The following DAAM1 variants were observed in gnomAD, a reference collection of about 807,000 sequenced individuals.
DAAM1 encodes disheveled-associated activator of morphogenesis 1.
In DAAM1, 52 loss-of-function variants were observed where a neutral mutation model predicts 130.0. The ratio of observed to expected loss-of-function variants is 0.40; its 90% CI spans 0.32 to 0.50. The LOEUF is 0.50. Among genes scored for constraint, DAAM1 ranks in the 20% least tolerant of loss-of-function variants. The pLI is 0.61. For synonymous variants in DAAM1, 452 were observed against 444.5 expected (o/e 1.02, Z -0.21); for missense variants, 1,134 against 1,303.8 (o/e 0.87, Z 2.01).
Position 59,324,382 on chromosome 14 carries a change from A to T in DAAM1, c.917A>T (p.Tyr306Phe). The part of the protein sequence containing the change: ...ESLDFRLHLR[Y>F]EFLMLGIQPV... ...TTGGACTTTAGACTTCATCTTCGCTATGAATTTCTGATGTTAGGAATTCAA... is the reference window on the plus strand; with the variant it reads ...TTGGACTTTAGACTTCATCTTCGCTTTGAATTTCTGATGTTAGGAATTCAA... The change falls in exon 8 of 25, where the codon TAT (tyrosine) becomes TTT (phenylalanine). Residue 306 changes from tyrosine (Y) to phenylalanine (F), a missense_variant. Physicochemically the swap from Tyr to Phe is conservative, Grantham distance 22. Around this residue, in one of 3 missense-constraint regions of DAAM1, gnomAD observed 391 missense variants for 521.6 expected, o/e 0.75. Transcript: ENST00000360909. 6.3e-7 allele frequency: 1 copy of T among 1,594,950 alleles called. No individual in the cohort carries two copies. Among genetic ancestry groups the T allele is most frequent in the Non-Finnish European group, 8.5e-7 (1 of 1,170,382 alleles).
chr14:59,320,104 T>C (rs554989868), intron 4 of DAAM1, among the ~76,000 whole-genome samples: 6 of 152,254 alleles, frequency 3.9e-5, no homozygotes, highest in Non-Finnish European at 8.8e-5. Context: ...ATTACACTTT[T>C]TGGCTGAGGA....
At chr14:59,328,984 C>A (rs1885318654) in intron 12 of DAAM1, among the ~76,000 whole-genome samples, 1 of 152,140 alleles carries the variant, frequency 6.6e-6, no homozygotes, top group South Asian at 2.1e-4. Context: ...GTTCTGTGGA[C>A]CTAAAATGTA....
intron 1 of DAAM1, among the ~76,000 whole-genome samples, chr14:59,258,601 A>C (rs1882016520): frequency 6.6e-6 from 1 of 152,232 alleles, no homozygotes; most frequent in Admixed American, 6.5e-5. Flanking sequence ...GTGCTAGGGA[A>C]GTTAAGGTGG....
chr14:59,350,472 C>G (rs1337713278), intron 17 of DAAM1, among the ~76,000 whole-genome samples: 1 of 151,910 alleles, frequency 6.6e-6, no homozygotes, highest in Non-Finnish European at 1.5e-5. Flanking sequence ...CACACACACA[C>G]ACACACACGT....
chr14:59,336,491 A>G (rs551720116), intron 15 of DAAM1, among the ~76,000 whole-genome samples: 32 of 152,340 alleles, frequency 2.1e-4, no homozygotes, highest in African/African-American at 6.7e-4. Flanking sequence ...ATAGGCCTGG[A>G]AGCATCATTA....
At chr14:59,264,485 A>C (rs2139509233) in intron 2 of DAAM1, 1 of 152,330 alleles carries the variant, frequency 6.6e-6, no homozygotes, top group Non-Finnish European at 1.5e-5. Context: ...AAGGAAAAAA[A>C]CATCTTCTTC....
intron 3 of DAAM1, among the ~76,000 whole-genome samples, chr14:59,292,852 T>C (rs1473783003): frequency 6.6e-6 from 1 of 152,182 alleles, no homozygotes; most frequent in Non-Finnish European, 1.5e-5. Context: ...TGTCTTCCTC[T>C]CCTCTTCTGC....
intron 1 of DAAM1, among the ~76,000 whole-genome samples, chr14:59,243,699 T>A (rs1201865827): frequency 1.3e-5 from 2 of 152,206 alleles, no homozygotes; most frequent in African/African-American, 2.4e-5. Flanking sequence ...ACTGGATGTT[T>A]CCTTTCTCTC....
rs1887952776 is a variant in DAAM1, at chr14:59,197,854, A to T, written c.-38+9086A>T. Among the ~76,000 whole-genome samples, 7 of 151,992 alleles carry T rather than the reference A, an allele frequency of 4.6e-5. No homozygotes were observed. The South Asian group carries it at 1.5e-3, about 32-fold the overall frequency. On this transcript the variant is annotated intron_variant, in intron 1 of 24. Transcript: ENST00000360909. ...AGTCTGCCAAGTTCCATATCTTGGG[A>T]GCCCCATCACTGACCTTACAGAAAA...
chr14:59,220,021 T>C lies in DAAM1; in HGVS notation c.-38+31253T>C, dbSNP rs1270271824. Reference sequence around the variant, plus strand: ...AGCTATTGGTTTCGAAAAATACAGATTTTTTTTTTCCAGGATGGCATCCAT... The same window carrying C: ...AGCTATTGGTTTCGAAAAATACAGACTTTTTTTTTCCAGGATGGCATCCAT... On this transcript the variant is annotated intron_variant, in intron 1 of 24. Transcript: ENST00000360909. Among the ~76,000 whole-genome samples, 4 of 150,754 alleles carry C rather than the reference T, an allele frequency of 2.7e-5. No individual in the cohort carries two copies. The East Asian group carries it at 7.8e-4, about 29-fold the overall frequency.
At chr14:59,199,329 C>G (rs1888024758) in intron 1 of DAAM1, among the ~76,000 whole-genome samples, 1 of 152,084 alleles carries the variant, frequency 6.6e-6, no homozygotes, top group African/African-American at 2.4e-5. Flanking sequence ...AACTCCTGGC[C>G]TCAAGCAATC....
intron 2 of DAAM1, among the ~76,000 whole-genome samples, chr14:59,272,572 C>T (rs961622751): frequency 7.0e-6 from 1 of 142,938 alleles, no homozygotes; most frequent in Non-Finnish European, 1.5e-5. Context: ...GCAAGACTGT[C>T]TCAAAAAACA....
Position 59,326,674 on chromosome 14 carries a change from G to A in DAAM1, c.1313+26G>A, listed in dbSNP as rs769237491. On this transcript the variant is annotated intron_variant, in intron 11 of 24. Coordinates refer to ENST00000360909, the MANE Select transcript of DAAM1 (RefSeq NM_001270520.2). Reference sequence around the variant, plus strand: ...GTAAGTCTCTTCTTATTCTGCTGCTGTGAGATAATGGTGACAATGTAAGAT... The same window carrying A: ...GTAAGTCTCTTCTTATTCTGCTGCTATGAGATAATGGTGACAATGTAAGAT... 5 of 1,606,746 alleles carry A rather than the reference G, an allele frequency of 3.1e-6. No individual in the cohort carries two copies. The South Asian group carries it at 4.5e-5, about 14-fold the overall frequency.
chr14:59,342,750 C>G (rs1303908621), intron 16 of DAAM1, among the ~76,000 whole-genome samples: 1 of 152,138 alleles, frequency 6.6e-6, no homozygotes, highest in Non-Finnish European at 1.5e-5. Context: ...ACTGGTCTGA[C>G]TGAAGGACAT....
chr14:59,287,252 T>C (rs2349145), intron 2 of DAAM1, among the ~76,000 whole-genome samples: 95,475 of 152,030 alleles, frequency 0.63, 31,073 homozygotes, highest in East Asian at 0.9. Flanking sequence ...AAAAAAAATC[T>C]TCAACAAATT....
At chr14:59,290,093 TG>T (rs1883674809) in intron 2 of DAAM1, among the ~76,000 whole-genome samples, 1 of 152,014 alleles carries the variant, frequency 6.6e-6, no homozygotes, top group East Asian at 1.9e-4. Context: ...GAGTTACCTA[TG>T]TAACAAACCT....
chr14:59,229,289 C>T (rs994774083), intron 1 of DAAM1, among the ~76,000 whole-genome samples: 2 of 152,160 alleles, frequency 1.3e-5, no homozygotes, highest in Admixed American at 1.3e-4. Context: ...TGTCATTTGG[C>T]TTTTGATTTT....
intron 1 of DAAM1, among the ~76,000 whole-genome samples, chr14:59,204,779 TC>T (rs1337873048): frequency 6.6e-6 from 1 of 152,148 alleles, no homozygotes; most frequent in African/African-American, 2.4e-5. Context: ...TGCCTGTAAT[TC>T]CAGCACTTTG....
chr14:59,363,762 C>G lies in DAAM1; in HGVS notation c.2806C>G (p.Leu936Val). 6.2e-7 allele frequency: 1 copy of G among 1,613,998 alleles called. No individual in the cohort carries two copies. The highest frequency in any genetic ancestry group is 8.5e-7 in the Non-Finnish European group (1 of 1,179,958). Residue 936 changes from leucine (L) to valine (V), a missense_variant, in exon 23 of 25, where the codon CTA becomes GTA. Leu to Val is a conservative substitution (Grantham distance 32). This residue lies in a region of DAAM1 where 644 missense variants were observed against 695.9 expected (regional missense o/e 0.93). Transcript: ENST00000360909. ...SFSFSDVEDL[L>V]AEAKDLFTKA... The stretch of plus-strand genomic sequence containing the variant: ...CAGCTTCTCTGATGTTGAAGACCTT[C>G]TAGCAGAAGCTAAAGACCTGGTAAG...
Sources: gnomAD v4.1 joint callset for allele counts (sites outside exome capture counted in the v4.1 genomes callset) on GRCh38, gnomAD v4.1.1 for gene constraint, gnomAD v4.1.1 regional missense constraint, MANE v1.5 for transcripts, NCBI Gene and HGNC (gene_info 2026-07-23, HGNC 2026-07-21) for gene names.